MGA: variants seen among roughly 807,000 people sequenced by gnomAD.
MGA encodes MAX dimerization protein MGA, also known as MAX gene-associated protein.
Under a neutral mutation model 261.1 loss-of-function variants are expected in MGA, and 40 were observed. That is an observed-to-expected ratio of 0.15 (90% CI 0.12 to 0.20). MGA has a LOEUF of 0.20. Among genes scored for constraint, MGA ranks in the 10% least tolerant of loss-of-function variants. The pLI is 1.00. For missense variants in MGA, 3,397 were observed against 3,630.5 expected (o/e 0.94, Z 1.65); for synonymous variants, 1,302 against 1,290.6 (o/e 1.01, Z -0.19).
chr15:41,658,079 A>G (rs1413395973), upstream of MGA, among the ~76,000 whole-genome samples: 4 of 152,258 alleles, frequency 2.6e-5, no homozygotes, highest in Admixed American at 2.6e-4. Flanking sequence ...ATGTGTTTAT[A>G]GAACAATCTA....
intron 19 of MGA, among the ~76,000 whole-genome samples, chr15:41,759,471 T>TTTC (rs2063334325): frequency 6.7e-6 from 1 of 148,248 alleles, no homozygotes; most frequent in African/African-American, 2.5e-5. Context: ...TGTATTTTTT[T>TTTC]TTTTTTTTTT....
At chr15:41,759,847 G>A (rs1394549717) in intron 19 of MGA, among the ~76,000 whole-genome samples, 2 of 152,114 alleles carry the variant, frequency 1.3e-5, no homozygotes, top group Admixed American at 6.5e-5. Context: ...GTGTGGGATT[G>A]TGTAGTATAT....
At chr15:41,719,948 T>C (rs867917707) in intron 9 of MGA, among the ~76,000 whole-genome samples, 8 of 152,204 alleles carry the variant, frequency 5.3e-5, no homozygotes, top group Non-Finnish European at 7.4e-5. Context: ...AAATTCAACA[T>C]TTTTTATTTA....
At chr15:41,659,060 G>A (rs1270238366), upstream of MGA, among the ~76,000 whole-genome samples, 2 of 152,162 alleles carry the variant, frequency 1.3e-5, no homozygotes, top group Admixed American at 6.5e-5. Flanking sequence ...TTGGGTTCAG[G>A]GAAGAGGAGG....
chr15:41,743,234 G>A, intron 15 of MGA, 62 bp downstream of exon 15: 1 of 1,474,418 alleles, frequency 6.8e-7, no homozygotes, highest in African/African-American at 1.4e-5. Flanking sequence ...TAACTTTGTG[G>A]TTGTGTTAGG....
chr15:41,711,045 A>C lies in MGA; in HGVS notation c.2780A>C (p.Gln927Pro). The change falls in exon 8 of 24, where the codon CAG becomes CCG. Residue 927 changes from glutamine to proline, a missense_variant. Transcript: ENST00000219905. ...TTACCATACCCTGTTTCACCAAAGC[A>C]GAAATACTCTCATGTGATTCTAGGA... 1 of 1,614,062 alleles carries C rather than the reference A, an allele frequency of 6.2e-7. No homozygotes were observed. Among genetic ancestry groups the C allele is most frequent in the Non-Finnish European group, 8.5e-7 (1 of 1,179,894 alleles).
chr15:41,656,683 G>C (rs147848902), upstream of MGA, among the ~76,000 whole-genome samples: 1 of 151,638 alleles, frequency 6.6e-6, no homozygotes, highest in Non-Finnish European at 1.5e-5. Flanking sequence ...ATTATATTCC[G>C]TAACATTTCT....
intron 8 of MGA, 64 bp downstream of exon 8, chr15:41,711,413 G>A (rs1381291004): frequency 8.2e-6 from 12 of 1,460,892 alleles, no homozygotes; most frequent in Non-Finnish European, 1.1e-5. Context: ...GGTTAGTGAG[G>A]GGAAATGGGA....
At chr15:41,703,496 A>G (rs1476129681) in intron 5 of MGA, among the ~76,000 whole-genome samples, 5 of 150,538 alleles carry the variant, frequency 3.3e-5, no homozygotes, top group Admixed American at 2.0e-4. Context: ...GCCTATCTAT[A>G]TAAGTTATTT....
chr15:41,625,222 A>G (rs1470815931), intron 1 of MGA, among the ~76,000 whole-genome samples: 1 of 152,230 alleles, frequency 6.6e-6, no homozygotes. Context: ...AGATTGATAC[A>G]GTTATTACAA....
chr15:41,695,562 G>A (rs1279841186), intron 2 of MGA, among the ~76,000 whole-genome samples: 1 of 152,188 alleles, frequency 6.6e-6, no homozygotes, highest in Non-Finnish European at 1.5e-5. Context: ...TGGGAGGAGG[G>A]GGAAACTAGA....
At chr15:41,646,761 G>A (rs1425102877) in intron 1 of MGA, among the ~76,000 whole-genome samples, 3 of 148,780 alleles carry the variant, frequency 2.0e-5, no homozygotes, top group Non-Finnish European at 3.0e-5. Flanking sequence ...ATTTTCAATT[G>A]TGATGGGTTA....
At chr15:41,736,770 C>T in intron 13 of MGA, 72 bp downstream of exon 13, 2 of 1,410,962 alleles carry the variant, frequency 1.4e-6, no homozygotes, top group African/African-American at 1.4e-5. Context: ...TTTCAGAGCC[C>T]TTTATGGTCC....
In MGA at chr15:41,749,223, G is replaced by T. The variant is rs755710453; in HGVS notation, c.5616G>T (p.Gly1872=). The T allele has an allele frequency of 1.2e-6, 2 of 1,613,954 alleles. No homozygotes were observed. Among genetic ancestry groups the T allele is most frequent in the Admixed American group, 3.3e-5 (2 of 60,000 alleles). ...TGAATCCTGTAATTCAAGCTGTTGG[G>T]TCTTCTTCAGCAGTGAATGTTATCA... Residue 1872 remains glycine, a synonymous_variant, in exon 17 of 24, where the codon GGG becomes GGT. Transcript: ENST00000219905.
At chr15:41,658,472 A>G (rs1221108986), upstream of MGA, among the ~76,000 whole-genome samples, 1 of 152,152 alleles carries the variant, frequency 6.6e-6, no homozygotes, top group Non-Finnish European at 1.5e-5. Context: ...AAGAAAAACA[A>G]GCGGTTACTT....
At chr15:41,709,466 A>G (rs887041166) in intron 7 of MGA, among the ~76,000 whole-genome samples, 18 of 152,092 alleles carry the variant, frequency 1.2e-4, no homozygotes, top group African/African-American at 4.1e-4. Flanking sequence ...CTTTTTAAAG[A>G]CGGGGTCTTG....
intron 17 of MGA, among the ~76,000 whole-genome samples, 154 bp from the exon 18 acceptor site, chr15:41,754,283 C>G (rs1165581078): frequency 2.6e-5 from 4 of 152,166 alleles, no homozygotes; most frequent in Non-Finnish European, 4.4e-5. Flanking sequence ...TGTCTTAATT[C>G]CTTATTATGA....
intron 9 of MGA, among the ~76,000 whole-genome samples, chr15:41,717,478 A>T (rs1351155724): frequency 6.6e-6 from 1 of 152,226 alleles, no homozygotes; most frequent in Non-Finnish European, 1.5e-5. Flanking sequence ...TGAAAGGATG[A>T]TATGGCAATA....
At chr15:41,752,412 A>T (rs1370192010) in intron 17 of MGA, 1 of 152,074 alleles carries the variant, frequency 6.6e-6, no homozygotes, top group African/African-American at 2.4e-5. Context: ...TAGGAGTTAT[A>T]TTGCTGATTT....
Sources: allele counts gnomAD v4.1 joint callset (sites outside exome capture counted in the v4.1 genomes callset), GRCh38; gene constraint gnomAD v4.1.1; transcripts MANE v1.5; gene names NCBI Gene and HGNC (gene_info 2026-07-23, HGNC 2026-07-21).